The following PDE4D variants were observed in gnomAD, a reference collection of about 807,000 sequenced individuals.
The protein encoded by PDE4D is 3',5'-cyclic-AMP phosphodiesterase 4D.
PDE4D carries 24 observed loss-of-function variants against 87.4 expected under a neutral mutation model. The ratio of observed to expected loss-of-function variants is 0.27; its 90% CI spans 0.20 to 0.39. The LOEUF (loss-of-function observed/expected upper bound fraction) is 0.39, where lower values mean the gene tolerates loss of function less well. Among genes scored for constraint, PDE4D ranks in the 10% least tolerant of loss-of-function variants. The probability of loss-of-function intolerance (pLI) is 1.00; values close to 1 mark genes in which losing one functional copy is unlikely to be tolerated. For missense variants in PDE4D, 714 were observed against 1,041.0 expected (o/e 0.69, Z 4.32); for synonymous variants, 384 against 383.2 (o/e 1.00, Z -0.02).
intron 1 of PDE4D, among the ~76,000 whole-genome samples, chr5:59,671,816 A>T (rs1398769057): frequency 6.6e-6 from 1 of 151,970 alleles, no homozygotes; most frequent in Non-Finnish European, 1.5e-5. Flanking sequence ...CAAGGAAAAA[A>T]AAAAAAAAAG....
chr5:59,237,847 G>A (rs140118598), intron 1 of PDE4D, among the ~76,000 whole-genome samples: 7 of 151,704 alleles, frequency 4.6e-5, no homozygotes, highest in Admixed American at 2.6e-4. Context: ...AATGTGTAAC[G>A]TGTCCTCACC....
intron 5 of PDE4D, among the ~76,000 whole-genome samples, chr5:59,080,330 A>G (rs1766511820): frequency 1.3e-5 from 2 of 152,182 alleles, no homozygotes; most frequent in Admixed American, 1.3e-4. Context: ...ATTGATCACT[A>G]CAGTTCCTTC....
At chr5:60,012,267 G>A (rs2152845552) in intron 2 of PDE4D, among the ~76,000 whole-genome samples, 1 of 152,268 alleles carries the variant, frequency 6.6e-6, no homozygotes, top group South Asian at 2.1e-4. Flanking sequence ...AACTGCATGA[G>A]TGCATGCTAC....
At chr5:59,900,933 G>A (rs1752194347) in intron 3 of PDE4D, among the ~76,000 whole-genome samples, 1 of 152,050 alleles carries the variant, frequency 6.6e-6, no homozygotes, top group Admixed American at 6.6e-5. Context: ...AAAGTAATGT[G>A]GTAGGTAGGC....
intron 1 of PDE4D, among the ~76,000 whole-genome samples, chr5:60,239,391 T>A (rs549980282): frequency 4.6e-5 from 7 of 152,144 alleles, no homozygotes; most frequent in South Asian, 2.1e-4. Context: ...TCTTCAAAAT[T>A]GTGTTGGTTA....
chr5:59,935,008 C>T (rs1756408495), intron 3 of PDE4D, among the ~76,000 whole-genome samples: 1 of 151,970 alleles, frequency 6.6e-6, no homozygotes, highest in African/African-American at 2.4e-5. Flanking sequence ...ATAAAGGGAA[C>T]AATATAACCT....
At chr5:59,157,231 A>G (rs901562853) in intron 5 of PDE4D, 66 of 689,220 alleles carry the variant, frequency 9.6e-5, no homozygotes, top group Non-Finnish European at 1.6e-4. Flanking sequence ...GAAGCCTAGT[A>G]AATCACTTGT....
chr5:59,646,727 CA>C (rs1358988543), intron 1 of PDE4D, among the ~76,000 whole-genome samples: 1 of 152,130 alleles, frequency 6.6e-6, no homozygotes, highest in East Asian at 1.9e-4. Flanking sequence ...CATTTCTTAC[CA>C]AAAGTGATAA....
intron 1 of PDE4D, among the ~76,000 whole-genome samples, chr5:60,445,093 A>G (rs1266291856): frequency 6.6e-6 from 1 of 152,114 alleles, no homozygotes; most frequent in African/African-American, 2.4e-5. Flanking sequence ...GTTTTAGAAC[A>G]ACAATTCAGC....
chr5:60,384,967 G>A (rs980843779), intron 1 of PDE4D, among the ~76,000 whole-genome samples: 7 of 152,072 alleles, frequency 4.6e-5, no homozygotes, highest in Admixed American at 1.3e-4. Context: ...TTGAATCATC[G>A]AAAAGTCCTT....
intron 5 of PDE4D, among the ~76,000 whole-genome samples, chr5:59,124,118 C>A (rs935641337): frequency 4.6e-5 from 7 of 152,114 alleles, no homozygotes; most frequent in African/African-American, 1.7e-4. Flanking sequence ...CTGGTTCTGC[C>A]CTGACAGGTA....
chr5:59,542,858 T>C (rs1052772448), intron 1 of PDE4D, among the ~76,000 whole-genome samples: 1 of 152,160 alleles, frequency 6.6e-6, no homozygotes. Flanking sequence ...GTGGACATCA[T>C]TCAGGCCTCA....
At chr5:59,529,918 T>G (rs1813885874) in intron 1 of PDE4D, among the ~76,000 whole-genome samples, 1 of 152,172 alleles carries the variant, frequency 6.6e-6, no homozygotes, top group Non-Finnish European at 1.5e-5. Context: ...ATGCAATACT[T>G]GGTGTGTTTC....
At chr5:60,474,370 C>A (rs114348489) in intron 1 of PDE4D, among the ~76,000 whole-genome samples, 234 of 151,356 alleles carry the variant, frequency 1.5e-3, no homozygotes, top group African/African-American at 5.5e-3. Flanking sequence ...GGAGAGAGAG[C>A]CCTCACAACC....
intron 1 of PDE4D, among the ~76,000 whole-genome samples, chr5:59,260,497 T>G: frequency 6.6e-6 from 1 of 151,876 alleles, no homozygotes; most frequent in East Asian, 1.9e-4. Context: ...ATGGCATGAA[T>G]TACGAAAGCA....
At chr5:60,177,403 T>C (rs1194443206) in intron 2 of PDE4D, among the ~76,000 whole-genome samples, 3 of 152,134 alleles carry the variant, frequency 2.0e-5, no homozygotes, top group African/African-American at 7.2e-5. Flanking sequence ...TATGGGTAAA[T>C]TAAGAAAATT....
intron 1 of PDE4D, among the ~76,000 whole-genome samples, chr5:59,284,163 C>G (rs887486831): frequency 5.3e-5 from 8 of 152,144 alleles, no homozygotes; most frequent in Non-Finnish European, 1.2e-4. Context: ...ACTACGCCTC[C>G]CATCCTGCTG....
Position 59,670,849 on chromosome 5 carries a change from T to A in PDE4D, c.455+222319A>T, listed in dbSNP as rs80198233. ...CATGAGAGTTTTTACTTTTTTTTTT[T>A]AAATAGATGGCGGTCTTGCTGTGTT... On this transcript the variant is annotated intron_variant, in intron 1 of 14. Coordinates refer to ENST00000340635, the MANE Select transcript of PDE4D (RefSeq NM_001104631.2). Among the ~76,000 whole-genome samples, 416 of 152,186 alleles carry A rather than the reference T, an allele frequency of 2.7e-3. 1 individual carries two copies. Among genetic ancestry groups the A allele is most frequent in the Middle Eastern group, 0.01 (3 of 294 alleles).
At chr5:60,281,046 CA>C (rs1223917783) in intron 1 of PDE4D, among the ~76,000 whole-genome samples, 1 of 152,154 alleles carries the variant, frequency 6.6e-6, no homozygotes, top group African/African-American at 2.4e-5. Context: ...GCAGCATTGT[CA>C]AACTAGTTTA....
Sources: allele counts gnomAD v4.1 joint callset (sites outside exome capture counted in the v4.1 genomes callset), GRCh38; gene constraint gnomAD v4.1.1; transcripts MANE v1.5; gene names NCBI Gene and HGNC (gene_info 2026-07-23, HGNC 2026-07-21).